DNAJC10: variants seen among roughly 807,000 people sequenced by gnomAD.
The protein encoded by DNAJC10 is endoplasmic reticulum disulfide reductase DNAJC10.
In DNAJC10, 101 loss-of-function variants were observed where a neutral mutation model predicts 115.0. That is an observed-to-expected ratio of 0.88 (90% CI 0.75 to 1.04). The LOEUF is 1.04. DNAJC10 is among the 50% of genes least tolerant of loss of function. DNAJC10 has a pLI of 0.00. For missense variants in DNAJC10, 981 were observed against 928.8 expected (o/e 1.06, Z -0.73); for synonymous variants, 307 against 301.5 (o/e 1.02, Z -0.19).
chr2:182,731,859 A>G (rs893689535), intron 9 of DNAJC10, among the ~76,000 whole-genome samples: 1 of 152,110 alleles, frequency 6.6e-6, no homozygotes, highest in African/African-American at 2.4e-5. Flanking sequence ...AACTTAACTA[A>G]TCACCAAGGG....
intron 4 of DNAJC10, among the ~76,000 whole-genome samples, chr2:182,721,265 T>C (rs1281717884): frequency 6.6e-6 from 1 of 152,170 alleles, no homozygotes; most frequent in Non-Finnish European, 1.5e-5. Context: ...AAGTATATTC[T>C]CTACACCTTG....
chr2:182,761,397 T>G lies in DNAJC10; in HGVS notation c.2146-1285T>G, dbSNP rs528157082. On this transcript the variant is annotated intron_variant, in intron 21 of 23. Coordinates refer to ENST00000264065, the MANE Select transcript of DNAJC10 (RefSeq NM_018981.4). ...ATTTTTCTTACTTTCGGTATGCAAG[T>G]GTGTGTGTCTGCCTACATGCTTGTG... 2.0e-5 allele frequency among the ~76,000 whole-genome samples: 3 copies of G among 152,224 alleles called. No individual in the cohort carries two copies. In the East Asian group the frequency reaches 5.8e-4, roughly 29 times the overall value.
chr2:182,754,227 C>T (rs909462348), intron 16 of DNAJC10, among the ~76,000 whole-genome samples: 27 of 152,186 alleles, frequency 1.8e-4, no homozygotes, highest in Non-Finnish European at 3.4e-4. Context: ...AATTTGCACA[C>T]ATTTTTCAAG....
chr2:182,779,708 G>A lies in DNAJC10; in HGVS notation c.*2576G>A, dbSNP rs930219962. The A allele has an allele frequency of 3.9e-5, 6 of 152,120 alleles. No individual in the cohort carries two copies. Among genetic ancestry groups the A allele is most frequent in the Non-Finnish European group, 7.4e-5 (5 of 68,018 alleles). The allele number at this position is 152,120 out of a possible 1,614,324, so 9.4% of individuals were successfully genotyped here. On this transcript the variant is annotated 3_prime_UTR_variant, in exon 24 of 24. Transcript: ENST00000264065. ...AGATAAAGGAAAAGTAAAATGAAAT[G>A]TTTATGTAATTTTATATTCTCAAAA...
intron 23 of DNAJC10, among the ~76,000 whole-genome samples, chr2:182,776,047 A>G (rs1217750594): frequency 6.6e-6 from 1 of 152,180 alleles, no homozygotes; most frequent in Non-Finnish European, 1.5e-5. Context: ...GATTGTAATG[A>G]CAGTTGGACA....
chr2:182,765,738 T>C (rs1448011495), intron 22 of DNAJC10, among the ~76,000 whole-genome samples: 2 of 152,150 alleles, frequency 1.3e-5, no homozygotes, highest in Non-Finnish European at 2.9e-5. Context: ...TTAAGATATA[T>C]ATTAAGAGTT....
chr2:182,742,879 CTCTG>C (rs1227151707), intron 13 of DNAJC10, among the ~76,000 whole-genome samples: 1 of 150,902 alleles, frequency 6.6e-6, no homozygotes, highest in Non-Finnish European at 1.5e-5. Context: ...TGTAGTGTCA[CTCTG>C]TCAGCCAGGC....
At chr2:182,741,131 A>G (rs1693727601) in intron 12 of DNAJC10, 112 bp from the exon 13 acceptor site, 2 of 670,078 alleles carry the variant, frequency 3.0e-6, no homozygotes, top group South Asian at 1.9e-5. Flanking sequence ...TTTAGACAGT[A>G]TTTTGAAATA....
At chr2:182,732,417 A>C in intron 9 of DNAJC10, 82 bp from the exon 10 acceptor site, 1 of 1,331,722 alleles carries the variant, frequency 7.5e-7, no homozygotes, top group East Asian at 2.3e-5. Flanking sequence ...TGAACATGGT[A>C]ATTTGGGGGA....
chr2:182,759,486 G>T, intron 21 of DNAJC10, among the ~76,000 whole-genome samples, 179 bp downstream of exon 21: 1 of 151,634 alleles, frequency 6.6e-6, no homozygotes, highest in East Asian at 1.9e-4. Context: ...CTTTGTTAAA[G>T]CTTTTAGCTA....
chr2:182,761,449 A>G (rs1694282652), intron 21 of DNAJC10, among the ~76,000 whole-genome samples: 1 of 152,182 alleles, frequency 6.6e-6, no homozygotes, highest in Admixed American at 6.6e-5. Context: ...TCTGCATTTT[A>G]GTAAACCCCT....
intron 22 of DNAJC10, among the ~76,000 whole-genome samples, chr2:182,773,793 G>C (rs1464241804): frequency 1.3e-5 from 2 of 152,190 alleles, no homozygotes; most frequent in Non-Finnish European, 2.9e-5. Context: ...TTAGCTCAGA[G>C]AAGTTTGTTA....
At chr2:182,745,118 G>A (rs193110610) in intron 14 of DNAJC10, among the ~76,000 whole-genome samples, 273 of 152,214 alleles carry the variant, frequency 1.8e-3, no homozygotes, top group African/African-American at 6.1e-3. Context: ...TAGCATAAGC[G>A]TCAGATTCCT....
intron 5 of DNAJC10, among the ~76,000 whole-genome samples, chr2:182,722,534 AT>A (rs1334744095): frequency 2.4e-5 from 3 of 127,028 alleles, no homozygotes; most frequent in Non-Finnish European, 5.0e-5. Context: ...TTATACTTTC[AT>A]CCTTTGTACA....
In DNAJC10 at chr2:182,728,577, T is replaced by G; in HGVS notation, c.420T>G (p.Asp140Glu). The change falls in exon 6 of 24, where the codon GAT (aspartate) becomes GAG (glutamate). Residue 140 changes from aspartate (D) to glutamate (E), a missense_variant and splice_region_variant. Asp to Glu is a conservative substitution (Grantham distance 45, BLOSUM62 2). Transcript: ENST00000264065. ...EIITLERREF[D>E]AAVNSGELWF... ...TGTTTGCATTTTATGTATTTTTAGATGCTGCTGTTAATTCTGGAGAACTGT... is the reference window on the plus strand; with the variant it reads ...TGTTTGCATTTTATGTATTTTTAGAGGCTGCTGTTAATTCTGGAGAACTGT... 1 of 1,605,754 alleles carries G rather than the reference T, an allele frequency of 6.2e-7. No individual in the cohort carries two copies. The highest frequency in any genetic ancestry group is 8.5e-7 in the Non-Finnish European group (1 of 1,174,354).
intron 21 of DNAJC10, among the ~76,000 whole-genome samples, chr2:182,762,300 A>G (rs1197995719): frequency 6.6e-6 from 1 of 152,124 alleles, no homozygotes; most frequent in Non-Finnish European, 1.5e-5. Flanking sequence ...CAGGTGGAGT[A>G]AGTCAGCCTT....
chr2:182,762,897 T>G (rs1694321039), intron 22 of DNAJC10, 96 bp downstream of exon 22: 1 of 1,320,786 alleles, frequency 7.6e-7, no homozygotes, highest in African/African-American at 1.5e-5. Context: ...TTTCTCATCC[T>G]TGTCATTTTT....
In DNAJC10 at chr2:182,792,172, C is replaced by A. The variant is rs1695062363; in HGVS notation, c.*15040C>A. Reference sequence around the variant, plus strand: ...ATGCTCAAGTCAATTTATAAGTAATCCTCACAAATGCTTGCATACCATCAG... The same window carrying A: ...ATGCTCAAGTCAATTTATAAGTAATACTCACAAATGCTTGCATACCATCAG... On this transcript the variant is annotated 3_prime_UTR_variant, in exon 24 of 24. Coordinates refer to ENST00000264065, the MANE Select transcript of DNAJC10 (RefSeq NM_018981.4). The A allele has an allele frequency of 1.3e-5, 2 of 152,148 alleles. No individual in the cohort carries two copies. Among genetic ancestry groups the A allele is most frequent in the South Asian group, 4.1e-4 (2 of 4,822 alleles). The allele number at this position is 152,148 out of a possible 1,614,324, so 9.4% of individuals were successfully genotyped here. A position where few individuals can be genotyped will look rare whatever the true frequency, so the allele number is the denominator to read the frequency against.
intron 8 of DNAJC10, 146 bp from the exon 9 acceptor site, chr2:182,730,882 CAA>C (rs763077495): frequency 4.5e-5 from 25 of 558,966 alleles, no homozygotes; most frequent in Non-Finnish European, 6.7e-5. Flanking sequence ...TTGTCATACT[CAA>C]GAGTATCTTT....
Sources: allele counts gnomAD v4.1 joint callset (sites outside exome capture counted in the v4.1 genomes callset), GRCh38; gene constraint gnomAD v4.1.1; transcripts MANE v1.5; gene names NCBI Gene and HGNC (gene_info 2026-07-23, HGNC 2026-07-21).